MAF: variants seen among roughly 807,000 people sequenced by gnomAD.
MAF encodes the protein MAF bZIP transcription factor.
A neutral mutation model predicts 22.0 loss-of-function variants in MAF; 10 were observed. That is an observed-to-expected ratio of 0.45 (90% CI 0.28 to 0.77). The LOEUF is 0.77. Ranked by LOEUF, MAF falls within the 30% of genes least tolerant of loss-of-function variation. MAF has a pLI of 0.12. For missense variants in MAF, 544 were observed against 548.4 expected, an observed-to-expected ratio of 0.99 and a Z score of 0.08; for synonymous variants, 337 against 255.8, an observed-to-expected ratio of 1.32 and a Z score of -3.03.
At chr16:79,503,425 T>G in the MAF span, among the ~76,000 whole-genome samples, 1 of 152,260 alleles carries the variant, frequency 6.6e-6, no homozygotes, top group Admixed American at 6.5e-5. Context: ...AAAAGTTTAC[T>G]ACAAAATTAA....
At chr16:79,431,685 G>C in the MAF span, among the ~76,000 whole-genome samples, 2 of 152,122 alleles carry the variant, frequency 1.3e-5, no homozygotes, top group African/African-American at 4.8e-5. Context: ...CGACTCAAAG[G>C]CGCCACTTTC....
the MAF span, among the ~76,000 whole-genome samples, chr16:79,406,604 T>A: frequency 1.3e-5 from 2 of 152,114 alleles, no homozygotes; most frequent in African/African-American, 4.8e-5. Flanking sequence ...TCTGATCACC[T>A]CCCATAGGTC....
the MAF span, among the ~76,000 whole-genome samples, chr16:79,542,786 T>G: frequency 6.6e-6 from 1 of 152,228 alleles, no homozygotes; most frequent in African/African-American, 2.4e-5. Context: ...GAACTGCTCC[T>G]GGCCTTGGTT....
At chr16:79,225,961 G>C in the MAF span, among the ~76,000 whole-genome samples, 1 of 152,212 alleles carries the variant, frequency 6.6e-6, no homozygotes, top group Admixed American at 6.5e-5. Context: ...CATTGTGGAA[G>C]ACAGTGTGGC....
At chr16:79,502,263 G>C in the MAF span, among the ~76,000 whole-genome samples, 1 of 152,120 alleles carries the variant, frequency 6.6e-6, no homozygotes, top group African/African-American at 2.4e-5. Context: ...CTGGCCTCAG[G>C]TTACCCATGG....
the MAF span, among the ~76,000 whole-genome samples, chr16:79,551,771 C>T: frequency 6.6e-6 from 1 of 152,070 alleles, no homozygotes; most frequent in Non-Finnish European, 1.5e-5. Flanking sequence ...ATGCTATGCC[C>T]ATTCATTTAT....
intron 1 of MAF, 103 bp downstream of exon 1, chr16:79,598,682 G>A (rs1913748301): frequency 6.4e-7 from 1 of 1,563,378 alleles, no homozygotes; most frequent in East Asian, 2.3e-5. Flanking sequence ...GGGGTGGTGA[G>A]GTGGTGGCGA....
the MAF span, among the ~76,000 whole-genome samples, chr16:79,503,246 C>G: frequency 1.2e-4 from 18 of 152,122 alleles, no homozygotes; most frequent in African/African-American, 4.3e-4. Context: ...TTCACTCACT[C>G]AACACGTTTT....
the MAF span, among the ~76,000 whole-genome samples, chr16:79,464,720 A>T: frequency 6.6e-6 from 1 of 152,190 alleles, no homozygotes; most frequent in Non-Finnish European, 1.5e-5. Context: ...GTCAGAGGGG[A>T]CTGCTGTTCA....
chr16:79,227,042 G>T, the MAF span, among the ~76,000 whole-genome samples: 2 of 152,000 alleles, frequency 1.3e-5, no homozygotes, highest in Non-Finnish European at 2.9e-5. Flanking sequence ...GGATTATTTT[G>T]GGTCACTTAA....
At chr16:79,223,623 A>G in the MAF span, among the ~76,000 whole-genome samples, 879 of 152,334 alleles carry the variant, frequency 5.8e-3, 50 homozygotes, top group East Asian at 0.13. Flanking sequence ...CCAGATTAAT[A>G]AAGAAGAAAA....
the MAF span, among the ~76,000 whole-genome samples, chr16:79,231,902 C>T: frequency 1.1e-4 from 17 of 152,130 alleles, no homozygotes; most frequent in Admixed American, 5.2e-4. Context: ...TGCAACTAGA[C>T]GGTCCCATCT....
At chr16:79,418,690 A>G in the MAF span, among the ~76,000 whole-genome samples, 8 of 152,340 alleles carry the variant, frequency 5.3e-5, no homozygotes, top group Non-Finnish European at 1.2e-4. Context: ...ATATGGCAAC[A>G]TGATCCCCGG....
At chr16:79,310,099 A>AT in the MAF span, among the ~76,000 whole-genome samples, 6 of 152,236 alleles carry the variant, frequency 3.9e-5, no homozygotes, top group African/African-American at 1.2e-4. Context: ...AAACGTGAGC[A>AT]TTTCCCCCCC....
chr16:79,275,847 T>C, the MAF span, among the ~76,000 whole-genome samples: 2 of 151,994 alleles, frequency 1.3e-5, no homozygotes, highest in Non-Finnish European at 2.9e-5. Flanking sequence ...GAAAAATGAT[T>C]TGAAACAGGC....
the MAF span, among the ~76,000 whole-genome samples, chr16:79,514,484 T>C: frequency 1.3e-5 from 2 of 152,212 alleles, no homozygotes; most frequent in African/African-American, 4.8e-5. Flanking sequence ...CCCAAATTCC[T>C]TGTCAGTTGA....
At chr16:79,217,599 T>C in the MAF span, among the ~76,000 whole-genome samples, 1 of 152,178 alleles carries the variant, frequency 6.6e-6, no homozygotes, top group Non-Finnish European at 1.5e-5. Flanking sequence ...CATCCCGAGT[T>C]CTTCGCGCTC....
At chr16:79,331,184 T>A in the MAF span, among the ~76,000 whole-genome samples, 30 of 152,172 alleles carry the variant, frequency 2.0e-4, no homozygotes, top group African/African-American at 6.0e-4. Flanking sequence ...GCAGGCCTAA[T>A]CCCACATGGA....
chr16:79,547,972 T>C, the MAF span, among the ~76,000 whole-genome samples: 3 of 151,606 alleles, frequency 2.0e-5, no homozygotes, highest in African/African-American at 7.3e-5. Flanking sequence ...GAAGGCTGTT[T>C]CCTAAATATA....
Sources: allele counts gnomAD v4.1 joint callset (sites outside exome capture counted in the v4.1 genomes callset), GRCh38; gene constraint gnomAD v4.1.1; transcripts MANE v1.5; gene names NCBI Gene and HGNC (gene_info 2026-07-23, HGNC 2026-07-21).